Variants in CALN1 observed in about 807,000 individuals in gnomAD.
CALN1 encodes the protein calneuron 1.
In CALN1, 17 loss-of-function variants were observed where a neutral mutation model predicts 30.6. That is an observed-to-expected ratio of 0.56 (90% CI 0.38 to 0.83). The LOEUF (loss-of-function observed/expected upper bound fraction) is 0.83, where lower values mean the gene tolerates loss of function less well. Ranked by LOEUF, CALN1 falls within the 40% of genes least tolerant of loss-of-function variation. The pLI is 0.00. For missense variants in CALN1, 291 were observed against 354.9 expected (o/e 0.82, Z 1.45); for synonymous variants, 156 against 131.4 (o/e 1.19, Z -1.28).
intron 5 of CALN1, among the ~76,000 whole-genome samples, chr7:71,835,791 C>T (rs910746214): frequency 6.6e-6 from 1 of 152,302 alleles, no homozygotes; most frequent in Non-Finnish European, 1.5e-5. Flanking sequence ...AGAGTTGGCA[C>T]TGTGAGGGCA....
intron 3 of CALN1, among the ~76,000 whole-genome samples, chr7:72,112,270 C>T (rs1807634977): frequency 6.6e-6 from 1 of 152,158 alleles, no homozygotes; most frequent in Admixed American, 6.5e-5. Flanking sequence ...TTTGAAGAAT[C>T]AGGTGAAATT....
At chr7:72,136,863 A>G (rs754650339) in intron 3 of CALN1, among the ~76,000 whole-genome samples, 22 of 152,190 alleles carry the variant, frequency 1.4e-4, no homozygotes, top group Non-Finnish European at 4.4e-5. Context: ...AACACACACA[A>G]CATTTATTAA....
intron 5 of CALN1, among the ~76,000 whole-genome samples, chr7:71,985,599 T>C (rs975998644): frequency 6.8e-6 from 1 of 146,904 alleles, no homozygotes; most frequent in African/African-American, 2.5e-5. Context: ...TTTTTTTTTT[T>C]TTTTTTTTGA....
intron 5 of CALN1, among the ~76,000 whole-genome samples, chr7:71,969,013 C>A (rs1584636471): frequency 6.6e-6 from 1 of 150,972 alleles, no homozygotes; most frequent in African/African-American, 2.4e-5. Flanking sequence ...TGTACCACTA[C>A]ATTCCAGTCT....
At chr7:72,071,289 G>A (rs951471208) in intron 4 of CALN1, among the ~76,000 whole-genome samples, 10 of 152,258 alleles carry the variant, frequency 6.6e-5, no homozygotes, top group South Asian at 2.1e-4. Context: ...CCAGAGAGGT[G>A]CAGACAAAGA....
chr7:72,259,308 C>T (rs1047121382), intron 3 of CALN1, among the ~76,000 whole-genome samples: 3 of 151,966 alleles, frequency 2.0e-5, no homozygotes, highest in East Asian at 1.9e-4. Flanking sequence ...GGGATAAACA[C>T]TTTGAGTCCC....
chr7:71,822,187 T>A (rs1276805981), intron 5 of CALN1, among the ~76,000 whole-genome samples: 1 of 152,128 alleles, frequency 6.6e-6, no homozygotes, highest in Admixed American at 6.6e-5. Flanking sequence ...AATGGTAGAG[T>A]CTAATTCCAT....
chr7:72,229,803 G>A (rs1793952482), intron 3 of CALN1, among the ~76,000 whole-genome samples: 1 of 151,926 alleles, frequency 6.6e-6, no homozygotes, highest in African/African-American at 2.4e-5. Flanking sequence ...GCAAGGGGAA[G>A]GAGAGCATTA....
At chr7:72,260,115 C>T (rs1301121467) in intron 3 of CALN1, among the ~76,000 whole-genome samples, 1 of 152,138 alleles carries the variant, frequency 6.6e-6, no homozygotes, top group African/African-American at 2.4e-5. Flanking sequence ...ACCTGTAGTT[C>T]TAGAGGCCAG....
At chr7:72,121,887 ATAT>A (rs1808422853) in intron 3 of CALN1, among the ~76,000 whole-genome samples, 1 of 147,502 alleles carries the variant, frequency 6.8e-6, no homozygotes, top group Non-Finnish European at 1.5e-5. Flanking sequence ...TATAAATTAT[ATAT>A]AATATATATT....
chr7:71,903,139 C>T (rs1793952169), intron 5 of CALN1, among the ~76,000 whole-genome samples: 1 of 151,894 alleles, frequency 6.6e-6, no homozygotes, highest in Non-Finnish European at 1.5e-5. Flanking sequence ...GACTTCACCA[C>T]TATACAATAA....
chr7:72,081,527 A>G (rs1805144569), intron 4 of CALN1, among the ~76,000 whole-genome samples: 1 of 150,708 alleles, frequency 6.6e-6, no homozygotes, highest in Admixed American at 6.6e-5. Flanking sequence ...GGATCAAGCA[A>G]TCCTCCCTCC....
At chr7:72,249,946 CAAA>C (rs386410444) in intron 3 of CALN1, among the ~76,000 whole-genome samples, 2 of 117,274 alleles carry the variant, frequency 1.7e-5, no homozygotes, top group Non-Finnish European at 1.7e-5. Context: ...CAAAACAAAC[CAAA>C]AAAAAAAAAA....
intron 3 of CALN1, among the ~76,000 whole-genome samples, chr7:72,156,043 T>C (rs1411718609): frequency 1.3e-5 from 2 of 152,138 alleles, no homozygotes; most frequent in Admixed American, 6.6e-5. Context: ...CCTTTTGCCA[T>C]AGAAGGTAAC....
intron 3 of CALN1, among the ~76,000 whole-genome samples, chr7:72,158,120 G>T (rs766744418): frequency 1.3e-5 from 2 of 152,150 alleles, no homozygotes; most frequent in East Asian, 1.9e-4. Flanking sequence ...GACATATTTA[G>T]TAAGTACCTT....
intron 2 of CALN1, among the ~76,000 whole-genome samples, chr7:72,342,686 A>AC (rs1362730929): frequency 6.6e-6 from 1 of 152,132 alleles, no homozygotes; most frequent in African/African-American, 2.4e-5. Flanking sequence ...CAAATCAGAC[A>AC]CCAAGACAAG....
chr7:72,350,457 A>G (rs1348656401), intron 2 of CALN1, among the ~76,000 whole-genome samples: 4 of 152,368 alleles, frequency 2.6e-5, no homozygotes, highest in South Asian at 4.1e-4. Context: ...GCCATAAAAA[A>G]GAATGAGATC....
intron 4 of CALN1, among the ~76,000 whole-genome samples, chr7:72,053,559 TTACCAGCATG>T (rs1314416716): frequency 6.6e-6 from 1 of 152,210 alleles, no homozygotes; most frequent in Non-Finnish European, 1.5e-5. Flanking sequence ...CTCCCCAACC[TTACCAGCATG>T]TGTCATTTTT....
At chr7:72,185,789 C>T (rs762797661) in intron 3 of CALN1, among the ~76,000 whole-genome samples, 28 of 152,298 alleles carry the variant, frequency 1.8e-4, no homozygotes, top group Non-Finnish European at 1.2e-4. Flanking sequence ...TCTGCTTTCC[C>T]GTCTTCCTCA....
Sources: allele counts gnomAD v4.1 joint callset (sites outside exome capture counted in the v4.1 genomes callset), GRCh38; gene constraint gnomAD v4.1.1; transcripts MANE v1.5; gene names NCBI Gene and HGNC (gene_info 2026-07-23, HGNC 2026-07-21).